Variants in ZNF438 observed in about 807,000 individuals in gnomAD.
ZNF438 encodes zinc finger protein 438.
ZNF438 carries 25 observed loss-of-function variants against 38.0 expected under a neutral mutation model. The ratio of observed to expected loss-of-function variants is 0.66; its 90% CI spans 0.48 to 0.92. The LOEUF is 0.92. Among genes scored for constraint, ZNF438 ranks in the 40% least tolerant of loss-of-function variants. The pLI, the probability that ZNF438 is intolerant of heterozygous loss-of-function variation, is 0.00. For missense variants in ZNF438, 1,007 were observed against 999.6 expected (o/e 1.01, Z -0.10); for synonymous variants, 372 against 364.1 (o/e 1.02, Z -0.25).
chr10:30,889,372 G>A (rs2040384326), intron 3 of ZNF438, among the ~76,000 whole-genome samples: 1 of 152,114 alleles, frequency 6.6e-6, no homozygotes, highest in Admixed American at 6.5e-5. Context: ...GCTGCATGCT[G>A]CTAACGGGTT....
intron 1 of ZNF438, among the ~76,000 whole-genome samples, chr10:30,945,388 C>CTTTTTTTTTTT (rs61149961): frequency 7.1e-6 from 1 of 141,124 alleles, no homozygotes; most frequent in Non-Finnish European, 1.5e-5. Context: ...GATTCTTTTA[C>CTTTTTTTTTTT]TTTTTTTTTT....
At chr10:30,862,940 C>A (rs185307220) in intron 4 of ZNF438, among the ~76,000 whole-genome samples, 116 of 152,280 alleles carry the variant, frequency 7.6e-4, no homozygotes, top group African/African-American at 2.5e-3. Context: ...GAGGAATGTG[C>A]AAACTACATT....
At chr10:30,901,587 A>G (rs2041989366) in intron 3 of ZNF438, among the ~76,000 whole-genome samples, 1 of 152,148 alleles carries the variant, frequency 6.6e-6, no homozygotes, top group African/African-American at 2.4e-5. Context: ...ACAGAATAGC[A>G]ACCAAAAGGG....
intron 1 of ZNF438, among the ~76,000 whole-genome samples, chr10:31,000,915 C>T (rs1444530536): frequency 6.6e-6 from 1 of 152,144 alleles, no homozygotes; most frequent in East Asian, 1.9e-4. Flanking sequence ...TTCTACACTT[C>T]TACCTTTCTG....
intron 4 of ZNF438, among the ~76,000 whole-genome samples, chr10:30,868,946 T>C (rs201162975): frequency 6.6e-6 from 1 of 152,248 alleles, no homozygotes; most frequent in African/African-American, 2.4e-5. Flanking sequence ...CAAAGTGAGA[T>C]GTGATGCTAT....
chr10:30,945,128 A>G (rs2047238418), intron 1 of ZNF438, among the ~76,000 whole-genome samples: 3 of 151,922 alleles, frequency 2.0e-5, no homozygotes, highest in Admixed American at 2.0e-4. Context: ...TGAGAAAACT[A>G]ACTGTAATAG....
chr10:30,919,573 T>C (rs2044051734), intron 2 of ZNF438: 1 of 152,150 alleles, frequency 6.6e-6, no homozygotes, highest in African/African-American at 2.4e-5. Flanking sequence ...TTGCGTGTGA[T>C]TTTGGTCACT....
chr10:31,014,565 G>A (rs2056022493), intron 1 of ZNF438, among the ~76,000 whole-genome samples: 1 of 152,070 alleles, frequency 6.6e-6, no homozygotes, highest in South Asian at 2.1e-4. Flanking sequence ...TTCCACATGA[G>A]TTTGGTGGGG....
At chr10:30,956,368 T>TGTATGTGTATGACACACATAA in intron 1 of ZNF438, among the ~76,000 whole-genome samples, 1 of 152,346 alleles carries the variant, frequency 6.6e-6, no homozygotes, top group Non-Finnish European at 1.5e-5. Flanking sequence ...CACATAATAA[T>TGTATGTGTATGACACACATAA]TGTATATATT....
intron 1 of ZNF438, among the ~76,000 whole-genome samples, chr10:31,007,481 C>T (rs932121219): frequency 5.3e-5 from 8 of 152,054 alleles, no homozygotes; most frequent in Admixed American, 6.6e-5. Flanking sequence ...AGGGTTTCAT[C>T]ATGTTGGTCA....
chr10:30,992,227 T>C (rs1433007204), intron 1 of ZNF438, among the ~76,000 whole-genome samples: 1 of 152,104 alleles, frequency 6.6e-6, no homozygotes, highest in African/African-American at 2.4e-5. Context: ...AGACATAAAA[T>C]TGGTACCAAG....
chr10:30,853,551 G>A (rs11008286), intron 4 of ZNF438, among the ~76,000 whole-genome samples: 59,192 of 152,076 alleles, frequency 0.39, 11,783 homozygotes, highest in Admixed American at 0.41. Flanking sequence ...TCTTCCCTCA[G>A]TAAATCCCCA....
At chr10:31,023,947 T>C (rs1205920591) in intron 1 of ZNF438, among the ~76,000 whole-genome samples, 1 of 152,236 alleles carries the variant, frequency 6.6e-6, no homozygotes, top group Non-Finnish European at 1.5e-5. Flanking sequence ...AGGACTGTCT[T>C]CTGCAAGCAC....
chr10:31,021,609 GTTTAT>G (rs1232855173), intron 1 of ZNF438, among the ~76,000 whole-genome samples: 1 of 151,950 alleles, frequency 6.6e-6, no homozygotes, highest in African/African-American at 2.4e-5. Context: ...ATTATTTGCT[GTTTAT>G]TTTATATTTA....
chr10:30,845,882 AG>A (rs1259009242), intron 5 of ZNF438, among the ~76,000 whole-genome samples: 1 of 152,210 alleles, frequency 6.6e-6, no homozygotes, highest in African/African-American at 2.4e-5. Flanking sequence ...ATCACGTGGA[AG>A]AGTCACGTAA....
chr10:30,927,104 C>T (rs949802768), intron 2 of ZNF438, among the ~76,000 whole-genome samples: 1 of 152,172 alleles, frequency 6.6e-6, no homozygotes, highest in Non-Finnish European at 1.5e-5. Context: ...TATCACTTAA[C>T]GTGCCAAGAC....
At chr10:30,953,837 C>T (rs1396785383) in intron 1 of ZNF438, among the ~76,000 whole-genome samples, 1 of 152,094 alleles carries the variant, frequency 6.6e-6, no homozygotes, top group Non-Finnish European at 1.5e-5. Flanking sequence ...CACTGTTCCT[C>T]ACATGAAATA....
At chr10:30,961,061 T>G (rs1328193604) in intron 1 of ZNF438, among the ~76,000 whole-genome samples, 1 of 144,880 alleles carries the variant, frequency 6.9e-6, no homozygotes, top group Non-Finnish European at 1.6e-5. Context: ...TGGCATAGTA[T>G]ATTAATAACA....
chr10:30,973,529 A>G (rs954656277), intron 1 of ZNF438, among the ~76,000 whole-genome samples: 3 of 152,198 alleles, frequency 2.0e-5, no homozygotes, highest in African/African-American at 4.8e-5. Context: ...TCAAGTTTCT[A>G]ATTTATTTTG....
Sources: gnomAD v4.1 joint callset for allele counts (sites outside exome capture counted in the v4.1 genomes callset) on GRCh38, gnomAD v4.1.1 for gene constraint, MANE v1.5 for transcripts, NCBI Gene and HGNC (gene_info 2026-07-23, HGNC 2026-07-21) for gene names.